ARL5A: variants seen among roughly 807,000 people sequenced by gnomAD.
ARL5A encodes ARF like GTPase 5A, also known as ADP-ribosylation factor-like protein 5A.
Under a neutral mutation model 25.9 loss-of-function variants are expected in ARL5A, and 18 were observed. The ratio of observed to expected loss-of-function variants is 0.69; its 90% confidence interval spans 0.48 to 1.03. The LOEUF (loss-of-function observed/expected upper bound fraction) is 1.03. ARL5A is among the 50% of genes least tolerant of loss of function. ARL5A has a pLI of 0.00. For synonymous variants in ARL5A, 61 were observed against 67.5 expected, an observed-to-expected ratio of 0.90 and a Z score of 0.47; for missense variants, 170 against 211.9, an observed-to-expected ratio of 0.80 and a Z score of 1.23.
chr2:151,818,422 G>A (rs1386191531), intron 1 of ARL5A, among the ~76,000 whole-genome samples: 3 of 152,164 alleles, frequency 2.0e-5, no homozygotes, highest in Non-Finnish European at 4.4e-5. Flanking sequence ...GAGACCACAG[G>A]TGTGCACCAC....
At chr2:151,803,811 C>T (rs2099829743) in intron 5 of ARL5A, among the ~76,000 whole-genome samples, 1 of 152,130 alleles carries the variant, frequency 6.6e-6, no homozygotes, top group African/African-American at 2.4e-5. Context: ...CAATACGTAT[C>T]AAAAATATTT....
intron 4 of ARL5A, among the ~76,000 whole-genome samples, chr2:151,810,912 T>C (rs1268994485): frequency 2.0e-5 from 3 of 152,026 alleles, no homozygotes; most frequent in African/African-American, 4.8e-5. Context: ...AACTGAAAAA[T>C]GCTGCATTTT....
Position 151,803,096 on chromosome 2 carries a change from A to G in ARL5A, c.*180T>C, listed in dbSNP as rs2099829645. 1 of 540,374 alleles carries G rather than the reference A, an allele frequency of 1.9e-6. No individual in the cohort carries two copies. Among genetic ancestry groups the G allele is most frequent in the Admixed American group, 3.6e-5 (1 of 27,938 alleles). The allele number at this position is 540,374 out of a possible 1,614,324, so 33.5% of individuals were successfully genotyped here. ...CTTACTTTGGAAAAAACTAATGAGA[A>G]AGCAAACTGGAAGGTGAGACTTCAT... is the stretch of plus-strand genomic sequence containing the variant. On this transcript the variant is annotated 3_prime_UTR_variant, in exon 6 of 6. Coordinates refer to ENST00000295087, the MANE Select transcript of ARL5A (RefSeq NM_012097.4).
At chr2:151,825,652 A>T (rs1025215299) in intron 1 of ARL5A, among the ~76,000 whole-genome samples, 1 of 152,202 alleles carries the variant, frequency 6.6e-6, no homozygotes, top group Admixed American at 6.5e-5. Context: ...GAGGGGTTTC[A>T]GAAACAGGAG....
intron 4 of ARL5A, among the ~76,000 whole-genome samples, chr2:151,808,753 G>T (rs2099830438): frequency 6.6e-6 from 1 of 152,120 alleles, no homozygotes; most frequent in Non-Finnish European, 1.5e-5. Context: ...AACAGAAAAT[G>T]AAACCATTCA....
chr2:151,806,743 AT>A, intron 5 of ARL5A, 77 bp downstream of exon 5: 1 of 1,396,530 alleles, frequency 7.2e-7, no homozygotes. Context: ...AGCCTTAAAT[AT>A]TTAGGAGTTT....
In ARL5A at chr2:151,828,300, C is replaced by T; in HGVS notation, c.-124G>A. 1.1e-6 allele frequency: 1 copy of T among 870,146 alleles called. No individual in the cohort carries two copies. Among genetic ancestry groups the T allele is most frequent in the Non-Finnish European group, 1.7e-6 (1 of 580,892 alleles). The allele number at this position is 870,146 out of a possible 1,614,324, so 53.9% of individuals were successfully genotyped here. A position where few individuals can be genotyped will look rare whatever the true frequency, so the allele number is the denominator to read the frequency against. The stretch of plus-strand genomic sequence containing the variant: ...TCTGCTGCTGCTCCCGCGCTGGTCG[C>T]GGGCCCGCTTCCAGGGAACCGGAGG... On this transcript the variant is annotated 5_prime_UTR_variant, in exon 1 of 6. Coordinates refer to ENST00000295087, the MANE Select transcript of ARL5A (RefSeq NM_012097.4).
chr2:151,817,431 T>C (rs1322913905), intron 1 of ARL5A, among the ~76,000 whole-genome samples: 1 of 152,228 alleles, frequency 6.6e-6, no homozygotes, highest in Admixed American at 6.5e-5. Context: ...AAGTAATAAA[T>C]GTTGAGGATT....
At chr2:151,803,466 G>A (rs1402475984) in intron 5 of ARL5A, 142 bp from the exon 6 acceptor site, 1 of 669,086 alleles carries the variant, frequency 1.5e-6, no homozygotes, top group Non-Finnish European at 2.7e-6. Flanking sequence ...CAGTGCTTGG[G>A]CTGCTGCAGT....
At position 151,812,366 on chromosome 2, in the gene ARL5A, T is replaced by G. The variant is rs1231495089; in HGVS notation, c.330A>C (p.Leu110Phe). 1 of 1,601,896 alleles carries G rather than the reference T, an allele frequency of 6.2e-7. No individual in the cohort carries two copies. Among genetic ancestry groups the G allele is most frequent in the African/African-American group, 1.3e-5 (1 of 74,510 alleles). The change falls in exon 4 of 6, where the codon TTA becomes TTC. Residue 110 changes from leucine (L) to phenylalanine (F), a missense_variant. Physicochemically the swap from Leu to Phe is conservative, Grantham distance 22. Transcript: ENST00000295087. ...SVTREELYKMLAHEDLRKAGL... is the reference protein window; with the variant it reads ...SVTREELYKMFAHEDLRKAGL... ...AAGACTACTTACTTACCTCATGCGCTAACATTTTATAGAGTTCTTCTCTAG... is the reference window on the plus strand; with the variant it reads ...AAGACTACTTACTTACCTCATGCGCGAACATTTTATAGAGTTCTTCTCTAG...
chr2:151,824,115 T>C (rs1397604546), intron 1 of ARL5A, among the ~76,000 whole-genome samples: 1 of 152,228 alleles, frequency 6.6e-6, no homozygotes, highest in Non-Finnish European at 1.5e-5. Flanking sequence ...CAACACACAT[T>C]CAGTAGAAAC....
chr2:151,820,682 A>AAAAAAAAAG, intron 1 of ARL5A, among the ~76,000 whole-genome samples: 1 of 150,966 alleles, frequency 6.6e-6, no homozygotes. Context: ...AAAAAAAAAA[A>AAAAAAAAAG]AAACAGAATC....
intron 1 of ARL5A, among the ~76,000 whole-genome samples, chr2:151,820,540 G>C (rs1320181646): frequency 6.6e-6 from 1 of 151,258 alleles, no homozygotes; most frequent in Non-Finnish European, 1.5e-5. Flanking sequence ...CACACTTGTG[G>C]TCCCAGCTAC....
At position 151,814,296 on chromosome 2, in the gene ARL5A, T is replaced by C. The variant is rs765357610; in HGVS notation, c.128A>G (p.His43Arg). 1.3e-6 allele frequency: 2 copies of C among 1,571,208 alleles called. No homozygotes were observed. Among genetic ancestry groups the C allele is most frequent in the Admixed American group, 2.0e-5 (1 of 50,380 alleles). Residue 43 changes from histidine to arginine, a missense_variant, in exon 3 of 6, where the codon CAT becomes CGT. His to Arg is a conservative substitution (Grantham distance 29). Coordinates refer to ENST00000295087, the MANE Select transcript of ARL5A (RefSeq NM_012097.4). ...ATTACTTCCTATTGTAGGAGATGTA[T>C]GTACAACTTCATTCATAGAACTGGG... is the stretch of plus-strand genomic sequence containing the variant. ...LYQFSMNEVVHTSPTIGSNVE... is the reference protein window; with the variant it reads ...LYQFSMNEVVRTSPTIGSNVE...
chr2:151,807,007 A>G, intron 4 of ARL5A, 35 bp from the exon 5 acceptor site: 1 of 1,530,028 alleles, frequency 6.5e-7, no homozygotes, highest in Non-Finnish European at 8.8e-7. Flanking sequence ...AGGCCAATAC[A>G]TTTTCCACAT....
intron 1 of ARL5A, chr2:151,827,826 T>C: frequency 2.4e-6 from 1 of 421,612 alleles, no homozygotes; most frequent in Non-Finnish European, 4.2e-6. Context: ...GCCGTGCTAC[T>C]CAGGGACGTC....
intron 1 of ARL5A, among the ~76,000 whole-genome samples, chr2:151,823,903 C>A (rs544635051): frequency 1.4e-4 from 21 of 152,198 alleles, no homozygotes; most frequent in Non-Finnish European, 2.6e-4. Context: ...GTTCATGCTA[C>A]AAGCAGAGCC....
chr2:151,827,089 G>A (rs1307538434), intron 1 of ARL5A, among the ~76,000 whole-genome samples: 1 of 152,166 alleles, frequency 6.6e-6, no homozygotes, highest in Admixed American at 6.5e-5. Context: ...GTCTTTATTG[G>A]AAAACTGGGA....
chr2:151,825,053 G>A (rs1007440121), intron 1 of ARL5A, among the ~76,000 whole-genome samples: 1 of 152,218 alleles, frequency 6.6e-6, no homozygotes, highest in Admixed American at 6.5e-5. Flanking sequence ...GACAAAGTGA[G>A]TTAATTTCCT....
Sources: gnomAD v4.1 joint callset for allele counts (sites outside exome capture counted in the v4.1 genomes callset) on GRCh38, gnomAD v4.1.1 for gene constraint, MANE v1.5 for transcripts, NCBI Gene and HGNC (gene_info 2026-07-23, HGNC 2026-07-21) for gene names.